Variants in CDH20 observed in about 807,000 individuals in gnomAD.
CDH20 encodes the protein cadherin 20.
CDH20 carries 29 observed loss-of-function variants against 74.2 expected under a neutral mutation model. The observed-to-expected ratio is 0.39, with a 90% CI of 0.29 to 0.53. The LOEUF is 0.53. CDH20 is among the 20% of genes least tolerant of loss of function. CDH20 has a pLI of 0.69. For missense variants in CDH20, 988 were observed against 1,048.3 expected, an observed-to-expected ratio of 0.94 and a Z score of 0.79; for synonymous variants, 469 against 405.4, an observed-to-expected ratio of 1.16 and a Z score of -1.88.
intron 1 of CDH20, among the ~76,000 whole-genome samples, chr18:61,426,828 T>C (rs545077893): frequency 2.7e-4 from 41 of 152,374 alleles, no homozygotes; most frequent in African/African-American, 9.4e-4. Flanking sequence ...CAGCAGAGCC[T>C]GTGTGCTCTG....
At chr18:61,452,490 G>A (rs534335063) in intron 1 of CDH20, among the ~76,000 whole-genome samples, 1 of 152,118 alleles carries the variant, frequency 6.6e-6, no homozygotes, top group African/African-American at 2.4e-5. Context: ...TGTTTTATAA[G>A]AAGAAAAGTA....
intron 2 of CDH20, among the ~76,000 whole-genome samples, chr18:61,495,066 C>A (rs1025354482): frequency 2.6e-5 from 4 of 152,142 alleles, no homozygotes; most frequent in Non-Finnish European, 5.9e-5. Flanking sequence ...ATTCACTTGT[C>A]TTATTCTGCC....
At chr18:61,468,683 C>T (rs1305739632) in intron 1 of CDH20, among the ~76,000 whole-genome samples, 5 of 152,102 alleles carry the variant, frequency 3.3e-5, no homozygotes, top group Non-Finnish European at 5.9e-5. Context: ...CCAGGGAACT[C>T]GCCTTACTGT....
At chr18:61,433,440 A>C (rs913667066) in intron 1 of CDH20, among the ~76,000 whole-genome samples, 5 of 152,198 alleles carry the variant, frequency 3.3e-5, no homozygotes, top group Admixed American at 3.3e-4. Context: ...CATAATTAAT[A>C]AACATCATGT....
At chr18:61,370,400 G>A (rs1163301045) in intron 1 of CDH20, among the ~76,000 whole-genome samples, 3 of 152,018 alleles carry the variant, frequency 2.0e-5, no homozygotes, top group Admixed American at 6.6e-5. Context: ...TTAGGTCCAG[G>A]TAAGTCTAAA....
chr18:61,552,906 G>C (rs1311325801), intron 11 of CDH20, among the ~76,000 whole-genome samples: 1 of 151,994 alleles, frequency 6.6e-6, no homozygotes, highest in Non-Finnish European at 1.5e-5. Context: ...TCAAGCCCAC[G>C]CTTCCTTAGA....
Position 61,388,178 on chromosome 18 carries a change from G to A in CDH20, c.-153+54351G>A, listed in dbSNP as rs148633374. On this transcript the variant is annotated intron_variant, in intron 1 of 11. Coordinates refer to ENST00000262717, the MANE Select transcript of CDH20 (RefSeq NM_031891.4). The stretch of plus-strand genomic sequence containing the variant: ...AGGATGAGTGAGCTAAACAGAGGAA[G>A]CAGTTTATGAAATGAGCCTTGATGG... Among the ~76,000 whole-genome samples, 570 of 152,288 alleles carry A rather than the reference G, an allele frequency of 3.7e-3. 4 individuals carry two copies. Among genetic ancestry groups the A allele is most frequent in the African/African-American group, 0.012 (516 of 41,566 alleles).
At chr18:61,514,573 G>T (rs1477764378) in intron 6 of CDH20, among the ~76,000 whole-genome samples, 5 of 151,560 alleles carry the variant, frequency 3.3e-5, no homozygotes, top group African/African-American at 1.2e-4. Context: ...GAGGAGAGGC[G>T]CTCTGCTTTT....
At chr18:61,351,208 A>G (rs1452554938) in intron 1 of CDH20, among the ~76,000 whole-genome samples, 2 of 152,138 alleles carry the variant, frequency 1.3e-5, no homozygotes. Flanking sequence ...TGCACTGTCT[A>G]CCGAGTAAGA....
At chr18:61,524,413 T>G (rs8090780) in intron 6 of CDH20, among the ~76,000 whole-genome samples, 1,975 of 152,302 alleles carry the variant, frequency 0.013, 41 homozygotes, top group African/African-American at 0.045. Context: ...GTTAAAAATA[T>G]ATTTACTATA....
intron 2 of CDH20, among the ~76,000 whole-genome samples, chr18:61,495,130 G>A (rs1482352187): frequency 6.6e-6 from 1 of 152,190 alleles, no homozygotes; most frequent in Non-Finnish European, 1.5e-5. Flanking sequence ...GTACGTAACT[G>A]TGCTGCTGAC....
intron 1 of CDH20, among the ~76,000 whole-genome samples, chr18:61,427,361 G>A (rs1332882478): frequency 6.6e-6 from 1 of 152,112 alleles, no homozygotes; most frequent in Non-Finnish European, 1.5e-5. Flanking sequence ...AGCAAAGTGA[G>A]GAACAGAGAT....
chr18:61,440,741 T>G (rs1467413643), intron 1 of CDH20, among the ~76,000 whole-genome samples: 1 of 152,124 alleles, frequency 6.6e-6, no homozygotes, highest in Non-Finnish European at 1.5e-5. Flanking sequence ...TCTCTCCCCT[T>G]CAACAGGCCA....
At chr18:61,515,210 T>A (rs1280798075) in intron 6 of CDH20, among the ~76,000 whole-genome samples, 1 of 152,158 alleles carries the variant, frequency 6.6e-6, no homozygotes, top group Non-Finnish European at 1.5e-5. Flanking sequence ...TGGTGCGCCA[T>A]TTTTTAAGCC....
chr18:61,474,225 A>G (rs2144388406), intron 1 of CDH20, among the ~76,000 whole-genome samples: 1 of 152,308 alleles, frequency 6.6e-6, no homozygotes, highest in South Asian at 2.1e-4. Flanking sequence ...GAGCTTCAAG[A>G]AACCTGATGT....
chr18:61,460,618 C>G (rs1909734795), intron 1 of CDH20, among the ~76,000 whole-genome samples: 1 of 152,138 alleles, frequency 6.6e-6, no homozygotes, highest in Non-Finnish European at 1.5e-5. Flanking sequence ...ATGACAGACA[C>G]CCATGGGAGT....
chr18:61,416,789 T>TTCGTTA (rs1354425262), intron 1 of CDH20, among the ~76,000 whole-genome samples: 2 of 152,204 alleles, frequency 1.3e-5, no homozygotes, highest in African/African-American at 4.8e-5. Context: ...AATAATGGGA[T>TTCGTTA]TCGTTAGGAA....
At position 61,380,670 on chromosome 18, in the gene CDH20, G is replaced by A. The variant is rs148486887; in HGVS notation, c.-153+46843G>A. Among the ~76,000 whole-genome samples the A allele has an allele frequency of 1.6e-3, 251 of 152,238 alleles. 1 individual carries two copies. Among genetic ancestry groups the A allele is most frequent in the African/African-American group, 5.5e-3 (229 of 41,542 alleles). ...ACTAAAACTACAAAATTAGCCCAGCGTGGTGGCACATGCCTGTAATCCCAG... is the reference window on the plus strand; with the variant it reads ...ACTAAAACTACAAAATTAGCCCAGCATGGTGGCACATGCCTGTAATCCCAG... On this transcript the variant is annotated intron_variant, in intron 1 of 11. Coordinates refer to ENST00000262717, the MANE Select transcript of CDH20 (RefSeq NM_031891.4).
chr18:61,418,629 C>A, intron 1 of CDH20, among the ~76,000 whole-genome samples: 1 of 151,198 alleles, frequency 6.6e-6, no homozygotes, highest in East Asian at 1.9e-4. Flanking sequence ...TACCATTTCT[C>A]CCCTGGACCA....
Sources: allele counts gnomAD v4.1 joint callset (sites outside exome capture counted in the v4.1 genomes callset), GRCh38; gene constraint gnomAD v4.1.1; transcripts MANE v1.5; gene names NCBI Gene and HGNC (gene_info 2026-07-23, HGNC 2026-07-21).